CEP128: variants seen among roughly 807,000 people sequenced by gnomAD.
CEP128 encodes the protein centrosomal protein 128.
In CEP128, 132 loss-of-function variants were observed where a neutral mutation model predicts 156.7. That is an observed-to-expected ratio of 0.84 (90% CI 0.73 to 0.97). The LOEUF (loss-of-function observed/expected upper bound fraction) is 0.97. Among genes scored for constraint, CEP128 ranks in the 50% least tolerant of loss-of-function variants. The pLI is 0.00. For synonymous variants in CEP128, 469 were observed against 448.9 expected (o/e 1.04, Z -0.57); for missense variants, 1,252 against 1,281.9 (o/e 0.98, Z 0.36).
Position 80,647,090 on chromosome 14 carries a change from CCCTTATAAAT to C in CEP128, c.2807-66677_2807-66668del, listed in dbSNP as rs1894688280. 1.9e-5 allele frequency among the ~76,000 whole-genome samples: 2 copies of C among 104,964 alleles called. 1 individual carries two copies. Among genetic ancestry groups the C allele is most frequent in the Non-Finnish European group, 4.0e-5 (2 of 50,560 alleles). The allele number at this position is 104,964 out of a possible 152,430, so 68.9% of individuals were successfully genotyped here. A position where few individuals can be genotyped will look rare whatever the true frequency, so the allele number is the denominator to read the frequency against. On this transcript the variant is annotated intron_variant, in intron 19 of 24. Transcript: ENST00000555265. ...ATATATATATATATATATATATACA[CCCTTATAAAT>C]ACACATACACACACACACACACACA...
At chr14:80,885,548 A>T (rs1304631513) in intron 8 of CEP128, among the ~76,000 whole-genome samples, 1 of 152,188 alleles carries the variant, frequency 6.6e-6, no homozygotes, top group Non-Finnish European at 1.5e-5. Context: ...TGACTGTGAG[A>T]AGGAAAACTA....
chr14:80,785,666 A>G, intron 14 of CEP128, 121 bp from the exon 15 acceptor site: 1 of 718,902 alleles, frequency 1.4e-6, no homozygotes, highest in Admixed American at 3.5e-5. Flanking sequence ...TTCATCAAAT[A>G]ATTTTTGTAT....
At chr14:80,687,968 T>C (rs1896585075) in intron 19 of CEP128, among the ~76,000 whole-genome samples, 1 of 152,166 alleles carries the variant, frequency 6.6e-6, no homozygotes, top group Non-Finnish European at 1.5e-5. Flanking sequence ...ATTAAAAGCA[T>C]TAAGTCATTT....
At chr14:80,839,396 T>C (rs1427144929) in intron 10 of CEP128, among the ~76,000 whole-genome samples, 1 of 152,194 alleles carries the variant, frequency 6.6e-6, no homozygotes, top group Non-Finnish European at 1.5e-5. Context: ...TAGGTGTGCC[T>C]ATGAAAGAAC....
At chr14:80,740,584 T>C (rs1239546451) in intron 19 of CEP128, among the ~76,000 whole-genome samples, 1 of 152,184 alleles carries the variant, frequency 6.6e-6, no homozygotes, top group Admixed American at 6.5e-5. Context: ...TTTCTTTCAC[T>C]GTCTACTTTT....
intron 8 of CEP128, among the ~76,000 whole-genome samples, chr14:80,889,919 C>T (rs766546239): frequency 6.6e-5 from 10 of 152,158 alleles, no homozygotes; most frequent in Middle Eastern, 3.4e-3. Flanking sequence ...GGAACTTAAA[C>T]ATATTTACAA....
intron 19 of CEP128, among the ~76,000 whole-genome samples, chr14:80,734,871 G>GA (rs796867054): frequency 0.012 from 1,653 of 133,314 alleles, 51 homozygotes; most frequent in African/African-American, 0.045. Context: ...AAAAAAAAAG[G>GA]AAAAACAGTA....
At chr14:80,526,025 T>C (rs950986509) in intron 23 of CEP128, among the ~76,000 whole-genome samples, 2 of 152,102 alleles carry the variant, frequency 1.3e-5, no homozygotes, top group Admixed American at 1.3e-4. Context: ...GAGTGCACAT[T>C]TGAATATAGA....
intron 20 of CEP128, among the ~76,000 whole-genome samples, chr14:80,560,583 T>C (rs1019413501): frequency 2.0e-5 from 3 of 152,180 alleles, no homozygotes; most frequent in Non-Finnish European, 4.4e-5. Context: ...GGTGTGTCTG[T>C]GGGGTGTTAC....
Position 80,935,820 on chromosome 14 carries a change from C to T in CEP128, c.-16+3565G>A, listed in dbSNP as rs1005510123. ...AACAATTAAATGGCCCTTTTCTGTG[C>T]CAGGCTCTGTTCTAAGCACTTTACT... On this transcript the variant is annotated intron_variant, in intron 2 of 24. Transcript: ENST00000555265. Among the ~76,000 whole-genome samples, 77 of 152,008 alleles carry T rather than the reference C, an allele frequency of 5.1e-4. 4 individuals carry two copies.
intron 2 of CEP128, among the ~76,000 whole-genome samples, chr14:80,937,379 C>T (rs1368742094): frequency 6.6e-6 from 1 of 151,824 alleles, no homozygotes; most frequent in African/African-American, 2.4e-5. Flanking sequence ...TGACTATTAA[C>T]CTAGGAAGAT....
chr14:80,704,417 A>G (rs575209673), intron 19 of CEP128, among the ~76,000 whole-genome samples: 58 of 152,220 alleles, frequency 3.8e-4, no homozygotes, highest in African/African-American at 1.3e-3. Context: ...AAAATGAATG[A>G]AATGTCAAAG....
intron 8 of CEP128, chr14:80,894,549 C>CA (rs34375242): frequency 0.41 from 160,087 of 388,316 alleles, 20,976 homozygotes; most frequent in South Asian, 0.44. Flanking sequence ...GAACTTTATG[C>CA]AAAAAAAAAA....
intron 19 of CEP128, among the ~76,000 whole-genome samples, chr14:80,621,588 C>G (rs1242886229): frequency 2.0e-5 from 3 of 152,088 alleles, no homozygotes; most frequent in Admixed American, 6.6e-5. Context: ...AATATACTAA[C>G]CAGCTTAAAA....
intron 19 of CEP128, among the ~76,000 whole-genome samples, chr14:80,645,130 A>T (rs1402823705): frequency 6.6e-6 from 1 of 152,226 alleles, no homozygotes; most frequent in Admixed American, 6.5e-5. Flanking sequence ...CTAACAAGTC[A>T]TAACCACGTA....
At chr14:80,625,348 T>C (rs1190690739) in intron 19 of CEP128, among the ~76,000 whole-genome samples, 1 of 152,206 alleles carries the variant, frequency 6.6e-6, no homozygotes, top group Non-Finnish European at 1.5e-5. Context: ...TTGGTTAATG[T>C]AGCTTTGTGG....
intron 19 of CEP128, among the ~76,000 whole-genome samples, chr14:80,617,323 C>G (rs905099949): frequency 1.3e-5 from 2 of 149,012 alleles, no homozygotes; most frequent in African/African-American, 5.0e-5. Flanking sequence ...CTCCACCTCC[C>G]GGGTTCACGC....
chr14:80,875,998 T>C (rs1352605053), intron 8 of CEP128, among the ~76,000 whole-genome samples: 4 of 151,976 alleles, frequency 2.6e-5, no homozygotes, highest in Admixed American at 2.6e-4. Flanking sequence ...AGGTGCTATA[T>C]AGAAGAAAAT....
At chr14:80,644,845 C>T (rs1012976054) in intron 19 of CEP128, among the ~76,000 whole-genome samples, 3 of 152,032 alleles carry the variant, frequency 2.0e-5, no homozygotes, top group Non-Finnish European at 2.9e-5. Context: ...GCATACACTG[C>T]TCATGTTATT....
Sources: allele counts gnomAD v4.1 joint callset (sites outside exome capture counted in the v4.1 genomes callset), GRCh38; gene constraint gnomAD v4.1.1; transcripts MANE v1.5; gene names NCBI Gene and HGNC (gene_info 2026-07-23, HGNC 2026-07-21).